Variants in SMIM10L3 observed in about 807,000 individuals in gnomAD.
SMIM10L3 encodes the protein salivary gland specific protein SAGSIN1.
At chr7:6,341,389 C>T in the SMIM10L3 span, among the ~76,000 whole-genome samples, 14 of 150,774 alleles carry the variant, frequency 9.3e-5, no homozygotes, top group Non-Finnish European at 1.5e-5. Flanking sequence ...TTGCAGTGAG[C>T]GGAGATCGCG....
chr7:6,331,351 C>T, the SMIM10L3 span: 1 of 627,510 alleles, frequency 1.6e-6, no homozygotes, highest in South Asian at 2.0e-5. Context: ...GTCTCCAGTA[C>T]AGGGTTTCAC....
At chr7:6,332,026 C>G in the SMIM10L3 span, among the ~76,000 whole-genome samples, 2,240 of 150,520 alleles carry the variant, frequency 0.015, 52 homozygotes, top group African/African-American at 0.052. Flanking sequence ...GTGGGAGAAT[C>G]GCTTGAACCC....
chr7:6,345,187 G>A, the SMIM10L3 span, among the ~76,000 whole-genome samples: 2 of 151,760 alleles, frequency 1.3e-5, no homozygotes, highest in African/African-American at 2.4e-5. Flanking sequence ...TCATGATCAC[G>A]GCTCACTGCA....
chr7:6,334,107 A>G, the SMIM10L3 span, among the ~76,000 whole-genome samples: 2 of 151,192 alleles, frequency 1.3e-5, no homozygotes, highest in Non-Finnish European at 2.9e-5. Context: ...TGGCCTCCCA[A>G]AGTGCTGGGA....
chr7:6,339,490 G>GTT, the SMIM10L3 span, among the ~76,000 whole-genome samples: 2 of 145,954 alleles, frequency 1.4e-5, no homozygotes, highest in Admixed American at 6.9e-5. Flanking sequence ...CCCTTTTTTT[G>GTT]TTTTTTTTTT....
the SMIM10L3 span, among the ~76,000 whole-genome samples, chr7:6,339,641 G>T: frequency 2.0e-5 from 3 of 150,430 alleles, no homozygotes; most frequent in Non-Finnish European, 3.0e-5. Context: ...CCGCCACCAC[G>T]CCTGGGTAAT....
chr7:6,331,932 G>C, the SMIM10L3 span, among the ~76,000 whole-genome samples: 4 of 151,854 alleles, frequency 2.6e-5, no homozygotes, highest in African/African-American at 9.6e-5. Flanking sequence ...TTTTAGTAGA[G>C]ATGAGGGTTC....
chr7:6,347,883 T>TTTATTATTATTATTATTA, the SMIM10L3 span, among the ~76,000 whole-genome samples: 682 of 131,524 alleles, frequency 5.2e-3, 5 homozygotes, highest in African/African-American at 0.01. Context: ...ACGAGACCCC[T>TTTATTATTATTATTATTA]TTATTATTAT....
At chr7:6,348,744 C>A in the SMIM10L3 span, 1 of 410,760 alleles carries the variant, frequency 2.4e-6, no homozygotes, top group East Asian at 3.5e-5. Flanking sequence ...CCAGGCCCGA[C>A]AGAGCCGCCG....
At chr7:6,333,888 C>T in the SMIM10L3 span, among the ~76,000 whole-genome samples, 6 of 142,502 alleles carry the variant, frequency 4.2e-5, no homozygotes, top group East Asian at 2.1e-4. Context: ...CTTTTTTTGC[C>T]CAGGCTGGAG....
At chr7:6,343,585 C>G in the SMIM10L3 span, among the ~76,000 whole-genome samples, 1 of 151,502 alleles carries the variant, frequency 6.6e-6, no homozygotes. Context: ...GGTATTGATT[C>G]CATTTAACTG....
chr7:6,346,686 T>C, the SMIM10L3 span, among the ~76,000 whole-genome samples: 991 of 152,212 alleles, frequency 6.5e-3, 5 homozygotes, highest in Non-Finnish European at 0.01. Context: ...TGCCCAGCCA[T>C]CTTAACTCAA....
chr7:6,333,993 C>CA, the SMIM10L3 span, among the ~76,000 whole-genome samples: 1 of 151,260 alleles, frequency 6.6e-6, no homozygotes, highest in Non-Finnish European at 1.5e-5. Context: ...ACTACAGGCA[C>CA]CCGCCACCAC....
At chr7:6,348,686 A>G in the SMIM10L3 span, 1 of 481,436 alleles carries the variant, frequency 2.1e-6, no homozygotes, top group Non-Finnish European at 3.7e-6. Flanking sequence ...AGCCCCTTGC[A>G]GAAGACCCCA....
the SMIM10L3 span, among the ~76,000 whole-genome samples, chr7:6,344,761 G>C: frequency 2.6e-5 from 4 of 151,940 alleles, no homozygotes; most frequent in Non-Finnish European, 5.9e-5. Flanking sequence ...TTTTTTTGGA[G>C]ACGGAGTCTC....
At chr7:6,336,002 G>A in the SMIM10L3 span, among the ~76,000 whole-genome samples, 4 of 151,942 alleles carry the variant, frequency 2.6e-5, no homozygotes, top group East Asian at 1.9e-4. Flanking sequence ...GTGAAACCCC[G>A]TCTCTACTAA....
chr7:6,340,145 A>C, the SMIM10L3 span, among the ~76,000 whole-genome samples: 2 of 152,174 alleles, frequency 1.3e-5, no homozygotes, highest in East Asian at 3.9e-4. Context: ...TCGGCCTCCC[A>C]AAGTGCTGGG....
the SMIM10L3 span, among the ~76,000 whole-genome samples, chr7:6,342,665 A>G: frequency 4.6e-5 from 7 of 152,198 alleles, no homozygotes; most frequent in South Asian, 2.1e-4. Flanking sequence ...AAATGTTCGT[A>G]GTAACATTAT....
At chr7:6,337,123 G>T in the SMIM10L3 span, among the ~76,000 whole-genome samples, 19 of 150,858 alleles carry the variant, frequency 1.3e-4, no homozygotes, top group East Asian at 1.4e-3. Context: ...CCAGGCTGGA[G>T]TGCAGTGGCG....
Sources: allele counts gnomAD v4.1 joint callset (sites outside exome capture counted in the v4.1 genomes callset), GRCh38; gene constraint gnomAD v4.1.1; transcripts MANE v1.5; gene names NCBI Gene and HGNC (gene_info 2026-07-23, HGNC 2026-07-21).